Variants in MYZAP observed in about 807,000 individuals in gnomAD.
MYZAP encodes GRINL1A complex locus upstream.
MYZAP carries 66 observed loss-of-function variants against 69.4 expected under a neutral mutation model. The ratio of observed to expected loss-of-function variants is 0.95; its 90% CI spans 0.78 to 1.17. The LOEUF (loss-of-function observed/expected upper bound fraction) is 1.17. MYZAP is among the 50% of genes most tolerant of loss of function. The pLI is 0.00. For synonymous variants in MYZAP, 256 were observed against 205.9 expected, an observed-to-expected ratio of 1.24 and a Z score of -2.09; for missense variants, 611 against 556.2, an observed-to-expected ratio of 1.10 and a Z score of -0.99.
chr15:57,618,057 C>T lies in MYZAP; in HGVS notation c.187C>T (p.Pro63Ser), dbSNP rs2140382863. 6.2e-7 allele frequency: 1 copy of T among 1,613,838 alleles called. No individual in the cohort carries two copies. Among genetic ancestry groups the T allele is most frequent in the Non-Finnish European group, 8.5e-7 (1 of 1,179,976 alleles). ...GCTTCTTGACCTGAGCAATGGAGAA[C>T]CTACCAGGAAACTTCCTCAGGGTGT... is the stretch of plus-strand genomic sequence containing the variant. ...EQLLDLSNGE[P>S]TRKLPQGVVY... The change falls in exon 3 of 13, where the codon CCT (proline) becomes TCT (serine). Residue 63 changes from proline (P) to serine (S), a missense_variant. Pro to Ser is a moderately conservative substitution (Grantham distance 74). Coordinates refer to ENST00000267853, the MANE Select transcript of MYZAP (RefSeq NM_001018100.5).
At chr15:57,669,924 T>G (rs1420035446) in intron 11 of MYZAP, among the ~76,000 whole-genome samples, 1 of 152,174 alleles carries the variant, frequency 6.6e-6, no homozygotes, top group Non-Finnish European at 1.5e-5. Context: ...GGTTATTTAA[T>G]TTCCAAATAG....
chr15:57,668,054 G>A (rs2038674121), intron 11 of MYZAP, among the ~76,000 whole-genome samples: 1 of 152,136 alleles, frequency 6.6e-6, no homozygotes, highest in Non-Finnish European at 1.5e-5. Context: ...GAATCATATA[G>A]CATGCCCTCT....
intron 1 of MYZAP, among the ~76,000 whole-genome samples, chr15:57,595,731 G>C (rs1412821596): frequency 6.6e-6 from 1 of 152,184 alleles, no homozygotes; most frequent in Non-Finnish European, 1.5e-5. Context: ...GGCTGGTGTT[G>C]CTGCTATCGT....
At chr15:57,669,693 T>A (rs2038777897) in intron 11 of MYZAP, among the ~76,000 whole-genome samples, 1 of 152,214 alleles carries the variant, frequency 6.6e-6, no homozygotes, top group South Asian at 2.1e-4. Context: ...GGGATTACTT[T>A]GCTCTTCTTT....
At position 57,663,608 on chromosome 15, in the gene MYZAP, C is replaced by T. The variant is rs542463755; in HGVS notation, c.1203+2075C>T. On this transcript the variant is annotated intron_variant, in intron 11 of 12. Transcript: ENST00000267853. ...GAAAGCTGGGGCATTTATCCACTAACTCCCATCAGTCATTAGCTGAGGCCT... is the reference window on the plus strand; with the variant it reads ...GAAAGCTGGGGCATTTATCCACTAATTCCCATCAGTCATTAGCTGAGGCCT... Among the ~76,000 whole-genome samples, 16 of 152,322 alleles carry T rather than the reference C, an allele frequency of 1.1e-4. No homozygotes were observed. The South Asian group carries it at 2.9e-3, about 28-fold the overall frequency.
At chr15:57,647,980 C>G (rs1208045927) in intron 10 of MYZAP, 1 of 985,392 alleles carries the variant, frequency 1.0e-6, no homozygotes, top group African/African-American at 1.7e-5. Flanking sequence ...GCCTTGGACT[C>G]CAAGGCTACA....
intron 10 of MYZAP, among the ~76,000 whole-genome samples, chr15:57,651,115 G>C (rs2037703433): frequency 6.6e-6 from 1 of 152,200 alleles, no homozygotes; most frequent in Admixed American, 6.5e-5. Context: ...CAGCAAGAAG[G>C]CTCCAAGGAG....
intron 10 of MYZAP, chr15:57,646,298 C>T (rs771265143): frequency 2.9e-5 from 36 of 1,247,914 alleles, no homozygotes; most frequent in Non-Finnish European, 3.6e-5. Flanking sequence ...CTATGATGAG[C>T]CAATGAACAA....
intron 6 of MYZAP, among the ~76,000 whole-genome samples, chr15:57,630,709 A>G (rs2036451676): frequency 6.6e-6 from 1 of 152,184 alleles, no homozygotes; most frequent in Non-Finnish European, 1.5e-5. Flanking sequence ...ACAGGAGCAG[A>G]TCCATGAATG....
chr15:57,645,689 A>C (rs1374802612), intron 10 of MYZAP, among the ~76,000 whole-genome samples: 1 of 152,208 alleles, frequency 6.6e-6, no homozygotes, highest in Non-Finnish European at 1.5e-5. Flanking sequence ...AAGTTAAGTG[A>C]ACTAAAAGCA....
intron 4 of MYZAP, among the ~76,000 whole-genome samples, chr15:57,623,698 A>C (rs1016475385): frequency 1.3e-5 from 2 of 150,990 alleles, no homozygotes; most frequent in Admixed American, 6.6e-5. Flanking sequence ...GTGCCACTGC[A>C]CTCCAGTCTG....
At chr15:57,645,629 A>G (rs1242140487) in intron 10 of MYZAP, among the ~76,000 whole-genome samples, 2 of 152,274 alleles carry the variant, frequency 1.3e-5, no homozygotes, top group Non-Finnish European at 2.9e-5. Context: ...AATAAATATT[A>G]GTGGCTGTTA....
chr15:57,633,539 C>T (rs533062360), intron 7 of MYZAP, 74 bp from the exon 8 acceptor site: 2 of 1,526,282 alleles, frequency 1.3e-6, no homozygotes, highest in East Asian at 2.3e-5. Flanking sequence ...CTAGCAAGGC[C>T]TGAGCTGATT....
chr15:57,611,272 A>G (rs1182271938), intron 2 of MYZAP, among the ~76,000 whole-genome samples: 1 of 152,146 alleles, frequency 6.6e-6, no homozygotes, highest in Non-Finnish European at 1.5e-5. Flanking sequence ...TGGATTTGCA[A>G]TTCCAACTCA....
intron 3 of MYZAP, among the ~76,000 whole-genome samples, chr15:57,618,565 G>A (rs2035618119): frequency 6.6e-6 from 1 of 152,162 alleles, no homozygotes; most frequent in Non-Finnish European, 1.5e-5. Context: ...AATCAGTTGG[G>A]TTGAAACAAA....
At chr15:57,593,015 T>C (rs1208866381) in intron 1 of MYZAP, among the ~76,000 whole-genome samples, 4 of 152,170 alleles carry the variant, frequency 2.6e-5, no homozygotes, top group Admixed American at 6.5e-5. Flanking sequence ...CGTGCAGGCT[T>C]GGACCTGCTT....
At chr15:57,674,338 A>G (rs1240900268) in intron 11 of MYZAP, among the ~76,000 whole-genome samples, 2 of 152,110 alleles carry the variant, frequency 1.3e-5, no homozygotes, top group Non-Finnish European at 2.9e-5. Context: ...GGCCCGAAAG[A>G]AAAAAAACTT....
At chr15:57,657,445 C>T (rs976532087) in intron 10 of MYZAP, among the ~76,000 whole-genome samples, 1 of 152,144 alleles carries the variant, frequency 6.6e-6, no homozygotes, top group Non-Finnish European at 1.5e-5. Context: ...AGAAGTATTG[C>T]ATTTATCCAA....
chr15:57,610,490 C>T (rs547194971), intron 2 of MYZAP, among the ~76,000 whole-genome samples: 5 of 152,258 alleles, frequency 3.3e-5, no homozygotes, highest in Non-Finnish European at 4.4e-5. Flanking sequence ...TCTGCGTGCC[C>T]CTCAGAGATA....
Sources: gnomAD v4.1 joint callset for allele counts (sites outside exome capture counted in the v4.1 genomes callset) on GRCh38, gnomAD v4.1.1 for gene constraint, MANE v1.5 for transcripts, NCBI Gene and HGNC (gene_info 2026-07-23, HGNC 2026-07-21) for gene names.